The following MICAL2 variants were observed in gnomAD, a reference collection of about 807,000 sequenced individuals.
The protein encoded by MICAL2 is [F-actin]-monooxygenase MICAL2.
A neutral mutation model predicts 127.3 loss-of-function variants in MICAL2; 77 were observed. The observed-to-expected ratio is 0.60, with a 90% CI of 0.50 to 0.73. The LOEUF (loss-of-function observed/expected upper bound fraction) is 0.73, where lower values mean the gene tolerates loss of function less well. Among genes scored for constraint, MICAL2 ranks in the 30% least tolerant of loss-of-function variants. The pLI, the probability that MICAL2 is intolerant of heterozygous loss-of-function variation, is 0.00. For missense variants in MICAL2, 1,351 were observed against 1,434.4 expected (o/e 0.94, Z 0.94); for synonymous variants, 570 against 551.1 (o/e 1.03, Z -0.48).
chr11:12,224,986 G>A (rs779020728), intron 13 of MICAL2, among the ~76,000 whole-genome samples, 166 bp downstream of exon 13: 59 of 152,306 alleles, frequency 3.9e-4, no homozygotes, highest in Non-Finnish European at 4.0e-4. Flanking sequence ...TCTGTCAGCA[G>A]TGTGTTTGAT....
At chr11:12,142,283 G>A (rs752900065) in intron 2 of MICAL2, among the ~76,000 whole-genome samples, 1 of 152,186 alleles carries the variant, frequency 6.6e-6, no homozygotes, top group Non-Finnish European at 1.5e-5. Context: ...TGTGCAGGCT[G>A]TTTTGATTTG....
downstream of MICAL2, among the ~76,000 whole-genome samples, chr11:12,264,036 A>C (rs1863466330): frequency 6.6e-6 from 1 of 152,158 alleles, no homozygotes; most frequent in Non-Finnish European, 1.5e-5. Context: ...TTGCTGTTCT[A>C]GATGCTGGGC....
intron 1 of MICAL2, among the ~76,000 whole-genome samples, chr11:12,126,525 T>C (rs1421443605): frequency 6.6e-6 from 1 of 152,126 alleles, no homozygotes; most frequent in Non-Finnish European, 1.5e-5. Context: ...CAGGTACCTA[T>C]AATTGAGGAA....
intron 1 of MICAL2, among the ~76,000 whole-genome samples, chr11:12,280,062 T>G (rs553714822): frequency 6.6e-6 from 1 of 152,212 alleles, no homozygotes; most frequent in Non-Finnish European, 1.5e-5. Flanking sequence ...CTGCGTGTGC[T>G]TGGGCTGCCC....
At chr11:12,123,477 G>GT (rs1206814171) in intron 1 of MICAL2, among the ~76,000 whole-genome samples, 4 of 152,146 alleles carry the variant, frequency 2.6e-5, no homozygotes, top group African/African-American at 9.7e-5. Context: ...ATCAATGAAA[G>GT]TTTTTTTGTT....
At chr11:12,319,393 A>C (rs1864266154) in intron 29 of MICAL2, among the ~76,000 whole-genome samples, 1 of 152,056 alleles carries the variant, frequency 6.6e-6, no homozygotes, top group South Asian at 2.1e-4. Context: ...GCAACACACC[A>C]TATAAATGGT....
At chr11:12,228,471 G>A (rs1054223543) in intron 15 of MICAL2, among the ~76,000 whole-genome samples, 20 of 152,240 alleles carry the variant, frequency 1.3e-4, no homozygotes, top group African/African-American at 4.8e-4. Context: ...CATTTGTTGT[G>A]TATCCAGTTA....
chr11:12,276,263 GC>G lies in MICAL2; in HGVS notation c.87+99del, dbSNP rs1314746900. On this transcript the variant is annotated intron_variant, in intron 1 of 2. Coordinates refer to the MICAL2 transcript ENST00000529028. ...CTTCTCTCTACTTGCTTGCAGTGTG[GC>G]CTCTCTGTGCCTCCATTTCCTCATC... 2.3e-5 allele frequency: 9 copies of G among 397,970 alleles called. No individual in the cohort carries two copies. The East Asian group carries it at 3.2e-4, about 14-fold the overall frequency. The allele number at this position is 397,970 out of a possible 1,614,324, so 24.7% of individuals were successfully genotyped here.
At chr11:12,294,506 CT>C, downstream of MICAL2, 1 of 1,614,194 alleles carries the variant, frequency 6.2e-7, no homozygotes, top group Non-Finnish European at 8.5e-7. Flanking sequence ...CTTTCCTGCA[CT>C]TAGGTCCCCA....
At chr11:12,157,703 A>C (rs1281767040) in intron 2 of MICAL2, among the ~76,000 whole-genome samples, 3 of 152,170 alleles carry the variant, frequency 2.0e-5, no homozygotes, top group Non-Finnish European at 4.4e-5. Context: ...CTGATAAAAA[A>C]AAAAAATCCT....
intron 2 of MICAL2, among the ~76,000 whole-genome samples, chr11:12,151,061 A>T (rs1042319092): frequency 2.6e-5 from 4 of 152,150 alleles, no homozygotes; most frequent in Non-Finnish European, 2.9e-5. Flanking sequence ...GTGACTCAGA[A>T]GCCCATGTTC....
chr11:12,294,034 T>A (rs944003264), downstream of MICAL2: 5 of 1,613,742 alleles, frequency 3.1e-6, no homozygotes, highest in Non-Finnish European at 4.2e-6. Flanking sequence ...TCCCTGAGAG[T>A]GTGCACCTCA....
At position 12,180,349 on chromosome 11, in the gene MICAL2, A is replaced by ATATT. The variant is rs11403732; in HGVS notation, c.264+17931_264+17932insATTT. On this transcript the variant is annotated intron_variant, in intron 3 of 27. Coordinates refer to ENST00000683283, the MANE Select transcript of MICAL2 (RefSeq NM_001282663.2). ...TTTATATACATGTATATATGTATAT[A>ATATT]TTTTTTTTTTGGCAGGAAGGTTTCC... 6.3e-3 allele frequency among the ~76,000 whole-genome samples: 885 copies of ATATT among 139,694 alleles called. 8 individuals carry two copies. Among genetic ancestry groups the ATATT allele is most frequent in the South Asian group, 7.9e-3 (34 of 4,282 alleles). 91.6% of individuals were successfully genotyped at this position (139,694 alleles called of 152,430 possible). A position where few individuals can be genotyped will look rare whatever the true frequency, so the allele number is the denominator to read the frequency against.
At chr11:12,330,898 A>AGT (rs757142831) in intron 32 of MICAL2, among the ~76,000 whole-genome samples, 6,510 of 120,768 alleles carry the variant, frequency 0.054, 286 homozygotes, top group East Asian at 0.33. Context: ...AGAGAGAGAG[A>AGT]GAGTGTGTGT....
chr11:12,205,085 GAAC>G (rs1206175493), intron 4 of MICAL2, among the ~76,000 whole-genome samples: 1 of 152,172 alleles, frequency 6.6e-6, no homozygotes, highest in Non-Finnish European at 1.5e-5. Context: ...AAAAGAGAGA[GAAC>G]ATCATGATGG....
intron 2 of MICAL2, 187 bp from the exon 3 acceptor site, chr11:12,161,892 G>A (rs1415808004): frequency 2.0e-6 from 1 of 507,814 alleles, no homozygotes; most frequent in Non-Finnish European, 3.5e-6. Context: ...TACCTGCAAT[G>A]CCACATCGAC....
chr11:12,147,224 G>A (rs1051146320), intron 2 of MICAL2, among the ~76,000 whole-genome samples: 1 of 148,132 alleles, frequency 6.8e-6, no homozygotes, highest in Non-Finnish European at 1.5e-5. Context: ...ATAAAAAAAA[G>A]AAAGCAAAAG....
At position 12,262,490 on chromosome 11, in the gene MICAL2, C is replaced by G. The variant is rs747377748; in HGVS notation, c.3345C>G (p.Ser1115Arg). 4 of 1,613,940 alleles carry G rather than the reference C, an allele frequency of 2.5e-6. No individual in the cohort carries two copies. Among genetic ancestry groups the G allele is most frequent in the Middle Eastern group, 1.6e-4 (1 of 6,062 alleles). Residue 1115 changes from serine to arginine, a missense_variant, in exon 27 of 28, where the codon AGC (serine) becomes AGG (arginine). By Grantham distance (110) the Ser-to-Arg change is moderately radical. Around this residue, in one of 2 missense-constraint regions of MICAL2, gnomAD observed 752 missense variants for 719.4 expected, o/e 1.05. Transcript: ENST00000683283. The part of the protein sequence containing the change: ...TLEGSPPVHF[S>R]LPVLHPLLG ...CGCCATGGCCATCAGTTCATTTCAG[C>G]CTTCCAGTGCTACACCCACTTCTTG...
At chr11:12,330,994 C>T (rs1864421415) in intron 32 of MICAL2, among the ~76,000 whole-genome samples, 1 of 151,374 alleles carries the variant, frequency 6.6e-6, no homozygotes, top group Non-Finnish European at 1.5e-5. Context: ...CCCTCTTGGT[C>T]CTAGCTGCCC....
Sources: allele counts gnomAD v4.1 joint callset (sites outside exome capture counted in the v4.1 genomes callset), GRCh38; gene constraint gnomAD v4.1.1; regional missense constraint gnomAD v4.1.1; transcripts MANE v1.5; gene names NCBI Gene and HGNC (gene_info 2026-07-23, HGNC 2026-07-21).